OVCH1: variants seen among roughly 807,000 people sequenced by gnomAD.
OVCH1 encodes the protein ovochymase 1, also known as ovochymase-1.
A neutral mutation model predicts 138.4 loss-of-function variants in OVCH1; 139 were observed. That is an observed-to-expected ratio of 1.00 (90% CI 0.87 to 1.16). The LOEUF (loss-of-function observed/expected upper bound fraction) is 1.16, where lower values mean the gene tolerates loss of function less well. Among genes scored for constraint, OVCH1 ranks in the 50% most tolerant of loss-of-function variants. The probability of loss-of-function intolerance (pLI) is 0.00; values close to 1 mark genes in which losing one functional copy is unlikely to be tolerated. For synonymous variants in OVCH1, 453 were observed against 467.8 expected (o/e 0.97, Z 0.41); for missense variants, 1,367 against 1,357.9 (o/e 1.01, Z -0.11).
intron 4 of OVCH1, among the ~76,000 whole-genome samples, 200 bp downstream of exon 4, chr12:29,495,085 A>G (rs1437638348): frequency 1.3e-5 from 2 of 152,234 alleles, no homozygotes; most frequent in Non-Finnish European, 2.9e-5. Context: ...TGTTAGGTTA[A>G]GCATAAATAA....
exon 23 of OVCH1, chr12:29,445,355 C>T (rs1212730785): frequency 1.2e-6 from 2 of 1,611,316 alleles, no homozygotes; most frequent in Non-Finnish European, 1.7e-6. Flanking sequence ...CACCAGCGGT[C>T]CAGGACTCAT....
intron 27 of OVCH1, chr12:29,433,678 G>A (rs1941308693): frequency 3.7e-6 from 5 of 1,357,134 alleles, no homozygotes; most frequent in Non-Finnish European, 4.9e-6. Flanking sequence ...CAATTTGTTG[G>A]TGGTCTGAAT....
chr12:29,476,747 A>ACGCG (rs1942731584), intron 12 of OVCH1, among the ~76,000 whole-genome samples: 1 of 13,314 alleles, frequency 7.5e-5, no homozygotes, highest in African/African-American at 1.9e-4. Flanking sequence ...GCATAAGTAC[A>ACGCG]CACGCGCGCA....
rs762167165 is a variant in OVCH1, at chr12:29,461,933, TAGTA to T, written c.2197_2200del (p.Tyr733IlefsTer12). The T allele has an allele frequency of 2.5e-6, 4 of 1,613,880 alleles. No individual in the cohort carries two copies. The highest frequency in any genetic ancestry group is 3.4e-6 in the Non-Finnish European group (4 of 1,179,770). ...TGTGATCCCTCCTGGATGGGCAGAA[TAGTA>T]AGTGTGTTCACAGACCTCTCTTTCT... is the stretch of plus-strand genomic sequence containing the variant. On this transcript the variant is annotated frameshift_variant, in exon 19 of 28. Coordinates refer to ENST00000318184, the Ensembl canonical transcript of OVCH1. LOFTEE classifies it high-confidence loss of function.
intron 5 of OVCH1, 65 bp from the exon 6 acceptor site, chr12:29,489,836 T>C: frequency 6.6e-7 from 1 of 1,506,394 alleles, no homozygotes. Context: ...ATGGGAAGTC[T>C]ACAAGTTTGG....
the OVCH1 span, among the ~76,000 whole-genome samples, chr12:29,402,185 C>A: frequency 6.6e-6 from 1 of 151,894 alleles, no homozygotes; most frequent in South Asian, 2.1e-4. Flanking sequence ...TCATACAATA[C>A]AACTTTAATC....
rs948882170 is a variant in OVCH1 at position 29,454,776 on chromosome 12, A to G, written c.2530+65T>C. ...TCCATAGAAAATTTAGCAAAGCTAG[A>G]CAGACAATGCTTCTTGCCAAATTCT... On this transcript the variant is annotated intron_variant, in intron 21 of 27. Coordinates refer to ENST00000318184, the Ensembl canonical transcript of OVCH1. 10 of 1,407,172 alleles carry G rather than the reference A, an allele frequency of 7.1e-6. No individual in the cohort carries two copies. The Admixed American group carries it at 1.9e-4, about 27-fold the overall frequency. The allele number at this position is 1,407,172 out of a possible 1,614,324, so 87.2% of individuals were successfully genotyped here.
chr12:29,431,542 C>T, intron 27 of OVCH1, among the ~76,000 whole-genome samples: 1 of 151,674 alleles, frequency 6.6e-6, no homozygotes. Flanking sequence ...AATTGTATTC[C>T]ATTTTATACC....
chr12:29,425,410 C>CT (rs1941164836), downstream of OVCH1, among the ~76,000 whole-genome samples: 1 of 152,120 alleles, frequency 6.6e-6, no homozygotes, highest in Admixed American at 6.5e-5. Context: ...TAATCCAAAA[C>CT]ATATAATGCT....
chr12:29,412,307 C>T (rs545027007), downstream of OVCH1, among the ~76,000 whole-genome samples: 5 of 152,188 alleles, frequency 3.3e-5, no homozygotes, highest in South Asian at 2.1e-4. Flanking sequence ...CGGTGAGCTG[C>T]GCACGGTGAG....
intron 13 of OVCH1, 52 bp downstream of exon 13, chr12:29,476,154 A>ACT: frequency 6.9e-7 from 1 of 1,450,044 alleles, no homozygotes; most frequent in South Asian, 1.1e-5. Flanking sequence ...CCATGTTGCC[A>ACT]CTACTCTGAT....
intron 1 of OVCH1, 130 bp downstream of exon 1, chr12:29,497,493 C>T (rs1443345893): frequency 4.7e-6 from 5 of 1,062,094 alleles, no homozygotes; most frequent in Non-Finnish European, 6.8e-6. Context: ...CACCCCCTCA[C>T]CCTTTCTTCC....
chr12:29,483,926 CTCTA>C (rs1310750849), intron 8 of OVCH1, among the ~76,000 whole-genome samples: 1 of 152,182 alleles, frequency 6.6e-6, no homozygotes, highest in African/African-American at 2.4e-5. Context: ...GAGAATTAGT[CTCTA>C]TCTTTTATAG....
chr12:29,460,635 C>G (rs1351689945), intron 19 of OVCH1, among the ~76,000 whole-genome samples: 1 of 152,072 alleles, frequency 6.6e-6, no homozygotes, highest in African/African-American at 2.4e-5. Context: ...CTCCCTCGCT[C>G]CTCAGATGGA....
At chr12:29,427,514 T>G (rs1453993568), downstream of OVCH1, 33 of 1,544,634 alleles carry the variant, frequency 2.1e-5, no homozygotes, top group African/African-American at 2.7e-5. Context: ...TGAGACAGAA[T>G]GTGCTTGGTT....
rs7975356 is a variant in OVCH1, at chr12:29,477,148, G to T, written c.1331C>A (p.Thr444Lys). The T allele has an allele frequency of 3.7e-6, 6 of 1,612,882 alleles. No homozygotes were observed. The South Asian group carries it at 5.5e-5, about 15-fold the overall frequency. The change falls in exon 12 of 28, where the codon ACA (threonine) becomes AAA (lysine). Residue 444 changes from threonine (T) to lysine (K), a missense_variant. Transcript: ENST00000318184. ...AGCACAAATGAACCAATGACACCTT[G>T]TGTTACTGGGATACAAATCAGGATA...
chr12:29,476,791 A>G (rs896029506), intron 12 of OVCH1, among the ~76,000 whole-genome samples: 3 of 113,520 alleles, frequency 2.6e-5, no homozygotes, highest in African/African-American at 8.6e-5. Context: ...ACACACACAC[A>G]CACACACACA....
intron 9 of OVCH1, 111 bp downstream of exon 10, chr12:29,478,724 T>C: frequency 3.5e-6 from 2 of 575,586 alleles, no homozygotes; most frequent in Non-Finnish European, 5.3e-6. Context: ...GAATAAATAA[T>C]GGCTACTCCA....
chr12:29,493,277 C>G (rs1565616070), intron 4 of OVCH1, among the ~76,000 whole-genome samples: 1 of 152,172 alleles, frequency 6.6e-6, no homozygotes, highest in East Asian at 1.9e-4. Context: ...GTTGAGAAGT[C>G]AATAACATTC....
Sources: gnomAD v4.1 joint callset for allele counts (sites outside exome capture counted in the v4.1 genomes callset) on GRCh38, gnomAD v4.1.1 for gene constraint, MANE v1.5 for transcripts, NCBI Gene and HGNC (gene_info 2026-07-23, HGNC 2026-07-21) for gene names.